Variants in MACROD2 observed in about 807,000 individuals in gnomAD.
The protein encoded by MACROD2 is mono-ADP ribosylhydrolase 2, also known as ADP-ribose glycohydrolase MACROD2.
MACROD2 carries 36 observed loss-of-function variants against 70.4 expected under a neutral mutation model. That is an observed-to-expected ratio of 0.51 (90% CI 0.39 to 0.68). The LOEUF (loss-of-function observed/expected upper bound fraction) is 0.68. Among genes scored for constraint, MACROD2 ranks in the 30% least tolerant of loss-of-function variants. The pLI, the probability that MACROD2 is intolerant of heterozygous loss-of-function variation, is 0.00. For missense variants in MACROD2, 496 were observed against 538.4 expected (o/e 0.92, Z 0.78); for synonymous variants, 172 against 178.8 (o/e 0.96, Z 0.30).
At chr20:14,726,755 G>A (rs551460797) in intron 5 of MACROD2, among the ~76,000 whole-genome samples, 27 of 144,526 alleles carry the variant, frequency 1.9e-4, no homozygotes, top group Admixed American at 1.5e-3. Flanking sequence ...TCAAACCCAG[G>A]CACCTGCCTC....
chr20:15,291,918 G>A (rs766794836), intron 6 of MACROD2, among the ~76,000 whole-genome samples: 2 of 152,188 alleles, frequency 1.3e-5, no homozygotes, highest in South Asian at 2.1e-4. Flanking sequence ...TCTTTGGGTT[G>A]TAAATAAGCA....
chr20:14,350,648 T>A (rs2083114996), intron 3 of MACROD2, among the ~76,000 whole-genome samples: 1 of 152,200 alleles, frequency 6.6e-6, no homozygotes, highest in South Asian at 2.1e-4. Flanking sequence ...TTGTATATTC[T>A]GGTTATTAAT....
At position 15,260,276 on chromosome 20, in the gene MACROD2, TC is replaced by T. The variant is rs368720153; in HGVS notation, c.540+30221del. Among the ~76,000 whole-genome samples the T allele has an allele frequency of 6.5e-3, 983 of 151,540 alleles. 11 individuals are homozygous for T. The highest frequency in any genetic ancestry group is 0.022 in the African/African-American group (914 of 41,370). On this transcript the variant is annotated intron_variant, in intron 6 of 17. Coordinates refer to ENST00000684519, the MANE Select transcript of MACROD2 (RefSeq NM_001351661.2). ...GTGCCCATTAACCATTCCCTCTTTA[TC>T]CCCCCTCCCCACTTCCTTTCATAGC...
chr20:15,663,886 G>A (rs2049859282), intron 8 of MACROD2, among the ~76,000 whole-genome samples: 2 of 152,176 alleles, frequency 1.3e-5, no homozygotes, highest in African/African-American at 4.8e-5. Flanking sequence ...TCGGGCAAAA[G>A]CAGTGCGTGT....
chr20:15,285,427 C>G (rs956443768), intron 6 of MACROD2, among the ~76,000 whole-genome samples: 7 of 152,180 alleles, frequency 4.6e-5, no homozygotes, highest in African/African-American at 1.7e-4. Flanking sequence ...TTTCTTTGAA[C>G]TAGCTTTATC....
intron 8 of MACROD2, among the ~76,000 whole-genome samples, chr20:15,664,305 A>C (rs2049866250): frequency 6.6e-6 from 1 of 152,250 alleles, no homozygotes; most frequent in African/African-American, 2.4e-5. Flanking sequence ...TTAAATGATC[A>C]AAGACAGAAG....
chr20:15,372,807 T>C (rs914339616), intron 6 of MACROD2, among the ~76,000 whole-genome samples: 1 of 152,172 alleles, frequency 6.6e-6, no homozygotes, highest in African/African-American at 2.4e-5. Context: ...ATCCCAGTCC[T>C]TTGGGAGGTG....
chr20:14,036,141 C>CAA (rs1188474410), intron 2 of MACROD2, among the ~76,000 whole-genome samples: 1 of 100,448 alleles, frequency 1.0e-5, no homozygotes, highest in African/African-American at 3.7e-5. Context: ...GACTCCGTCT[C>CAA]AAAAAAAAAA....
At chr20:15,522,339 T>TAGGCA (rs2047664272) in intron 8 of MACROD2, among the ~76,000 whole-genome samples, 3 of 152,212 alleles carry the variant, frequency 2.0e-5, no homozygotes, top group African/African-American at 4.8e-5. Context: ...ATAGATATCT[T>TAGGCA]TTGAAAAGTA....
intron 2 of MACROD2, among the ~76,000 whole-genome samples, chr20:14,032,404 T>A (rs535471014): frequency 6.6e-6 from 1 of 152,100 alleles, no homozygotes; most frequent in Non-Finnish European, 1.5e-5. Flanking sequence ...GCCGAAAAGG[T>A]TTATACCCAC....
rs778906508 is a variant in MACROD2, at chr20:14,536,656, T to TGTGTGTGTGTGA, written c.301+43155_301+43156insTGTGAGTGTGTG. On this transcript the variant is annotated intron_variant, in intron 4 of 17. Coordinates refer to ENST00000684519, the MANE Select transcript of MACROD2 (RefSeq NM_001351661.2). ...GTGTGTGTGTGTGTGTGTGTGTGTG[T>TGTGTGTGTGTGA]GTGTGTGCATGCATGTGTGCCTGCA... Among the ~76,000 whole-genome samples, 425 of 147,360 alleles carry TGTGTGTGTGTGA rather than the reference T, an allele frequency of 2.9e-3. 1 individual carries two copies. The highest frequency in any genetic ancestry group is 0.014 in the Middle Eastern group (4 of 288).
At chr20:15,862,575 C>G (rs896938342) in intron 8 of MACROD2, among the ~76,000 whole-genome samples, 170 bp from the exon 9 acceptor site, 2 of 152,140 alleles carry the variant, frequency 1.3e-5, no homozygotes, top group African/African-American at 4.8e-5. Flanking sequence ...CACACACACA[C>G]ACATTCTTAC....
chr20:15,663,778 G>A (rs1277867426), intron 8 of MACROD2, among the ~76,000 whole-genome samples: 2 of 152,052 alleles, frequency 1.3e-5, no homozygotes, highest in African/African-American at 2.4e-5. Context: ...AGAACAGAAC[G>A]AGTAGCATTT....
chr20:15,897,499 C>G (rs1351177097), intron 10 of MACROD2, among the ~76,000 whole-genome samples: 2 of 152,038 alleles, frequency 1.3e-5, no homozygotes, highest in East Asian at 3.9e-4. Context: ...AACTTCTAAT[C>G]TATTACTTTC....
At chr20:15,844,093 GA>G (rs929686971) in intron 8 of MACROD2, among the ~76,000 whole-genome samples, 2 of 151,748 alleles carry the variant, frequency 1.3e-5, no homozygotes, top group African/African-American at 4.8e-5. Flanking sequence ...TTCTTAAAGA[GA>G]AAACTGTGAA....
chr20:15,541,446 G>A (rs776980206), intron 8 of MACROD2, among the ~76,000 whole-genome samples: 2 of 152,146 alleles, frequency 1.3e-5, no homozygotes, highest in Admixed American at 6.5e-5. Flanking sequence ...CTTGGTATTC[G>A]TGTGATGAGT....
intron 3 of MACROD2, among the ~76,000 whole-genome samples, chr20:14,428,020 G>A (rs1240127422): frequency 6.6e-6 from 1 of 152,074 alleles, no homozygotes; most frequent in Non-Finnish European, 1.5e-5. Context: ...CAGACTTTTA[G>A]ACTGGCAATT....
At chr20:14,366,661 G>C (rs1006481526) in intron 3 of MACROD2, among the ~76,000 whole-genome samples, 4 of 151,990 alleles carry the variant, frequency 2.6e-5, no homozygotes, top group Admixed American at 2.6e-4. Flanking sequence ...CACCACACCC[G>C]GCCAACAATT....
chr20:14,255,063 G>A (rs1472779413), intron 3 of MACROD2, among the ~76,000 whole-genome samples: 3 of 152,072 alleles, frequency 2.0e-5, no homozygotes, highest in African/African-American at 7.2e-5. Flanking sequence ...TTGAATATTG[G>A]CCCCCACTCT....
Sources: allele counts gnomAD v4.1 joint callset (sites outside exome capture counted in the v4.1 genomes callset), GRCh38; gene constraint gnomAD v4.1.1; transcripts MANE v1.5; gene names NCBI Gene and HGNC (gene_info 2026-07-23, HGNC 2026-07-21).